The following PDS5B variants were observed in gnomAD, a reference collection of about 807,000 sequenced individuals.
PDS5B encodes the protein sister chromatid cohesion protein PDS5 homolog B.
PDS5B carries 51 observed loss-of-function variants against 184.1 expected under a neutral mutation model. The observed-to-expected ratio is 0.28, with a 90% CI of 0.22 to 0.35. The LOEUF is 0.35. Ranked by LOEUF, PDS5B falls within the 10% of genes least tolerant of loss-of-function variation. The probability of loss-of-function intolerance (pLI) is 1.00; values close to 1 mark genes in which losing one functional copy is unlikely to be tolerated. For synonymous variants in PDS5B, 566 were observed against 569.2 expected (o/e 0.99, Z 0.08); for missense variants, 1,180 against 1,723.3 (o/e 0.68, Z 5.58).
chr13:32,596,649 A>G (rs900235458), intron 1 of PDS5B, among the ~76,000 whole-genome samples: 4 of 151,666 alleles, frequency 2.6e-5, no homozygotes, highest in African/African-American at 7.3e-5. Flanking sequence ...ATCCTCACCA[A>G]CACTTGGTTA....
intron 1 of PDS5B, among the ~76,000 whole-genome samples, chr13:32,597,543 A>G: frequency 6.9e-6 from 1 of 144,018 alleles, no homozygotes; most frequent in South Asian, 2.4e-4. Context: ...AAAAAGAAAG[A>G]GGCCGGGCGC....
At chr13:32,734,017 C>CACACACACACAT (rs1953225474) in intron 20 of PDS5B, among the ~76,000 whole-genome samples, 1 of 151,010 alleles carries the variant, frequency 6.6e-6, no homozygotes, top group African/African-American at 2.4e-5. Flanking sequence ...CACACACAAA[C>CACACACACACAT]ATATATTTTG....
At chr13:32,627,416 A>G (rs1048347692) in intron 1 of PDS5B, among the ~76,000 whole-genome samples, 1 of 152,180 alleles carries the variant, frequency 6.6e-6, no homozygotes, top group African/African-American at 2.4e-5. Flanking sequence ...GACAGTATAT[A>G]CTTTATAATT....
chr13:32,621,590 G>C (rs2058302354), intron 1 of PDS5B, among the ~76,000 whole-genome samples: 1 of 152,166 alleles, frequency 6.6e-6, no homozygotes, highest in Non-Finnish European at 1.5e-5. Context: ...TTCTTTTTGG[G>C]AAGATTTTAA....
intron 34 of PDS5B, among the ~76,000 whole-genome samples, chr13:32,773,562 A>G (rs1289305678): frequency 6.6e-6 from 1 of 152,158 alleles, no homozygotes; most frequent in African/African-American, 2.4e-5. Context: ...ACAGCATTCT[A>G]ATATTGACAC....
At chr13:32,758,763 T>C (rs1005737977) in intron 28 of PDS5B, 110 bp downstream of exon 28, 2 of 1,048,766 alleles carry the variant, frequency 1.9e-6, no homozygotes, top group Non-Finnish European at 2.8e-6. Flanking sequence ...GTCTTAAGAA[T>C]GTGATTTAAG....
At chr13:32,737,767 T>A (rs1371096275) in intron 21 of PDS5B, among the ~76,000 whole-genome samples, 1 of 152,224 alleles carries the variant, frequency 6.6e-6, no homozygotes, top group African/African-American at 2.4e-5. Context: ...ATGTAACATT[T>A]GTATAACATG....
chr13:32,649,394 A>G (rs1280184671), intron 2 of PDS5B: 1 of 152,320 alleles, frequency 6.6e-6, no homozygotes, highest in Non-Finnish European at 1.5e-5. Context: ...GTGTTTGAAT[A>G]ATATTTTCAC....
intron 21 of PDS5B, 114 bp downstream of exon 21, chr13:32,735,444 T>G: frequency 1.4e-6 from 1 of 693,032 alleles, no homozygotes; most frequent in East Asian, 2.8e-5. Context: ...TGCCTTGATT[T>G]TAGGTTTTCC....
chr13:32,603,180 C>T (rs2058005091), intron 1 of PDS5B, among the ~76,000 whole-genome samples: 1 of 152,300 alleles, frequency 6.6e-6, no homozygotes, highest in East Asian at 1.9e-4. Context: ...ATGCCTATGT[C>T]CTGAATGGTA....
At chr13:32,600,612 G>A (rs1479536968) in intron 1 of PDS5B, among the ~76,000 whole-genome samples, 5 of 152,166 alleles carry the variant, frequency 3.3e-5, no homozygotes, top group African/African-American at 4.8e-5. Context: ...GATGGCAGGC[G>A]CCTGTAATCC....
intron 33 of PDS5B, among the ~76,000 whole-genome samples, chr13:32,771,307 A>G (rs1954776833): frequency 6.6e-6 from 1 of 152,172 alleles, no homozygotes; most frequent in South Asian, 2.1e-4. Flanking sequence ...ATCAACATGT[A>G]TATAGTTTTA....
rs1009964624 is a variant in PDS5B, at chr13:32,703,621, G to A, written c.1856+2183G>A. 3.2e-4 allele frequency among the ~76,000 whole-genome samples: 49 copies of A among 152,138 alleles called. 1 individual carries two copies. Among genetic ancestry groups the A allele is most frequent in the Admixed American group, 2.4e-3 (37 of 15,276 alleles). ...TCTCACTGCTGGAGTGTGGAAAACA[G>A]CATTTAAACCTAGGAAGTCTGTCTC... On this transcript the variant is annotated intron_variant, in intron 17 of 34. Coordinates refer to ENST00000315596, the MANE Select transcript of PDS5B (RefSeq NM_015032.4).
At chr13:32,735,657 A>G (rs1326838911) in intron 21 of PDS5B, among the ~76,000 whole-genome samples, 2 of 152,172 alleles carry the variant, frequency 1.3e-5, no homozygotes, top group African/African-American at 4.8e-5. Context: ...AAACCAGCTC[A>G]TAGTATGGTT....
chr13:32,755,783 T>G, intron 25 of PDS5B, 59 bp from the exon 26 acceptor site: 2 of 831,404 alleles, frequency 2.4e-6, no homozygotes, highest in Non-Finnish European at 3.8e-6. Flanking sequence ...TTTTGTTTTG[T>G]TTTGTTTTTT....
chr13:32,591,143 T>A (rs2057769029), intron 1 of PDS5B, among the ~76,000 whole-genome samples: 1 of 152,000 alleles, frequency 6.6e-6, no homozygotes, highest in South Asian at 2.1e-4. Context: ...TATTATTATT[T>A]TTTGAGATGG....
chr13:32,624,875 T>G (rs906112046), intron 1 of PDS5B, among the ~76,000 whole-genome samples: 1 of 152,146 alleles, frequency 6.6e-6, no homozygotes, highest in African/African-American at 2.4e-5. Flanking sequence ...TGCATACTAC[T>G]TACTGTTCAG....
At chr13:32,665,684 T>A (rs572501107) in intron 6 of PDS5B, among the ~76,000 whole-genome samples, 1 of 151,126 alleles carries the variant, frequency 6.6e-6, no homozygotes, top group South Asian at 2.1e-4. Flanking sequence ...AGCAAAGCCG[T>A]ATGAGAACAG....
chr13:32,760,797 A>T, intron 30 of PDS5B, 77 bp downstream of exon 30: 1 of 1,339,382 alleles, frequency 7.5e-7, no homozygotes, highest in Non-Finnish European at 1.0e-6. Context: ...ATATAATCCA[A>T]AATGTTTCAT....
Sources: allele counts gnomAD v4.1 joint callset (sites outside exome capture counted in the v4.1 genomes callset), GRCh38; gene constraint gnomAD v4.1.1; transcripts MANE v1.5; gene names NCBI Gene and HGNC (gene_info 2026-07-23, HGNC 2026-07-21).